The following TOP1MT variants were observed in gnomAD, a reference collection of about 807,000 sequenced individuals.
The protein encoded by TOP1MT is DNA topoisomerase I mitochondrial.
A neutral mutation model predicts 73.9 loss-of-function variants in TOP1MT; 80 were observed. That is an observed-to-expected ratio of 1.08 (90% CI 0.90 to 1.30). The LOEUF is 1.30. TOP1MT is among the 50% of genes most tolerant of loss of function. The pLI is 0.00. For synonymous variants in TOP1MT, 338 were observed against 326.4 expected, an observed-to-expected ratio of 1.04 and a Z score of -0.38; for missense variants, 815 against 808.0, an observed-to-expected ratio of 1.01 and a Z score of -0.10.
In TOP1MT at chr8:143,323,738, G is replaced by A. The variant is rs1375253131; in HGVS notation, c.960+261C>T. On this transcript the variant is annotated intron_variant, in intron 7 of 13. Transcript: ENST00000329245. ...ACATGCACGCCACACACACATGCAC[G>A]CCACACACATGCACGCCCCACACAG... Among the ~76,000 whole-genome samples, 4 of 60,762 alleles carry A rather than the reference G, an allele frequency of 6.6e-5. 2 individuals carry two copies. The highest frequency in any genetic ancestry group is 6.6e-5 in the Non-Finnish European group (2 of 30,270). 39.9% of individuals were successfully genotyped at this position (60,762 alleles called of 152,430 possible).
intron 13 of TOP1MT, 126 bp from the exon 14 acceptor site, chr8:143,309,669 G>T: frequency 6.5e-7 from 1 of 1,528,480 alleles, no homozygotes. Flanking sequence ...GGTGTAGCTG[G>T]GACCTGCTCC....
At chr8:143,322,642 GCCA>G (rs1816499769) in intron 7 of TOP1MT, among the ~76,000 whole-genome samples, 1 of 9,556 alleles carries the variant, frequency 1.0e-4, no homozygotes, top group Non-Finnish European at 2.2e-4. Flanking sequence ...ACACACACAC[GCCA>G]CACGCACACC....
chr8:143,325,486 A>G lies in TOP1MT; in HGVS notation c.531T>C (p.Cys177=). 1 of 1,612,622 alleles carries G rather than the reference A, an allele frequency of 6.2e-7. No individual in the cohort carries two copies. Among genetic ancestry groups the G allele is most frequent in the Non-Finnish European group, 8.5e-7 (1 of 1,178,716 alleles). ...AEKLQQEFGY[C]ILDGHQEKIG... ...TTTTTTCTTGGTGACCATCTAAAAT[A>G]CAGTAGCCGAACTCTTGCTGAAGTT... The change falls in exon 5 of 14, where the codon TGT becomes TGC. Residue 177 remains cysteine (C), a synonymous_variant. Transcript: ENST00000329245.
At chr8:143,328,289 T>G in intron 3 of TOP1MT, 1 of 455,618 alleles carries the variant, frequency 2.2e-6, no homozygotes, top group Non-Finnish European at 4.4e-6. Context: ...GAGATGACAT[T>G]CACAGCATGT....
At chr8:143,334,576 G>A (rs941532619) in intron 1 of TOP1MT, among the ~76,000 whole-genome samples, 164 bp downstream of exon 1, 4 of 152,266 alleles carry the variant, frequency 2.6e-5, no homozygotes, top group African/African-American at 9.6e-5. Flanking sequence ...ACCCCGGGCA[G>A]GAGGCGGGCC....
At chr8:143,343,216 C>T (rs1003034308) in intron 2 of TOP1MT, 8 of 456,108 alleles carry the variant, frequency 1.8e-5, no homozygotes, top group Admixed American at 9.4e-5. Flanking sequence ...TTTAAGATGC[C>T]GACTTGGCCT....
upstream of TOP1MT, among the ~76,000 whole-genome samples, chr8:143,347,146 G>A (rs13279590): frequency 0.068 from 10,226 of 150,986 alleles, 446 homozygotes; most frequent in Non-Finnish European, 0.093. Context: ...CACCACACCC[G>A]GCTAATTTTT....
In TOP1MT at chr8:143,353,418, TA is replaced by T. The variant is rs33998618; in HGVS notation, c.-39+2546del. 5.2e-3 allele frequency among the ~76,000 whole-genome samples: 708 copies of T among 135,394 alleles called. 3 individuals carry two copies. The highest frequency in any genetic ancestry group is 7.7e-3 in the Middle Eastern group (2 of 260). The allele number at this position is 135,394 out of a possible 152,430, so 88.8% of individuals were successfully genotyped here. A position where few individuals can be genotyped will look rare whatever the true frequency, so the allele number is the denominator to read the frequency against. Reference sequence around the variant, plus strand: ...GCAACAAAGTGAGACCCTGTCTCTTTAAAAAAAAAAAAAAAGGTAAAGATTG... The same window carrying T: ...GCAACAAAGTGAGACCCTGTCTCTTTAAAAAAAAAAAAAAGGTAAAGATTG... On this transcript the variant is annotated intron_variant, in intron 1 of 5. Transcript: ENST00000518760.
At chr8:143,328,202 CAG>C in intron 3 of TOP1MT, 1 of 454,896 alleles carries the variant, frequency 2.2e-6, no homozygotes, top group Non-Finnish European at 4.4e-6. Flanking sequence ...CCATAAAAGA[CAG>C]ATTGATAAAC....
chr8:143,336,583 A>G (rs1816985475), upstream of TOP1MT, among the ~76,000 whole-genome samples: 1 of 152,164 alleles, frequency 6.6e-6, no homozygotes, highest in Non-Finnish European at 1.5e-5. Context: ...GCTCTAACTG[A>G]GCAAACAGGC....
intron 12 of TOP1MT, among the ~76,000 whole-genome samples, chr8:143,311,117 A>ATTTTTTTTTTTTT (rs769172231): frequency 1.9e-5 from 2 of 106,824 alleles, no homozygotes; most frequent in Middle Eastern, 5.3e-3. Flanking sequence ...CACGCACATG[A>ATTTTTTTTTTTTT]TTTTTTTTTT....
chr8:143,316,079 G>C lies in TOP1MT; in HGVS notation c.1378C>G (p.Arg460Gly), dbSNP rs776130476. The C allele has an allele frequency of 1.2e-6, 2 of 1,614,168 alleles. No individual in the cohort carries two copies. The highest frequency in any genetic ancestry group is 1.1e-5 in the South Asian group (1 of 91,084). ...TGGTTGCAGAGAATGGCCACGACTC[G>C]GTTGGCTCGGTTGTAGGATAAGATC... Reference protein sequence around the residue: ...AKILSYNRANRVVAILCNHQR... With the variant: ...AKILSYNRANGVVAILCNHQR... The change falls in exon 11 of 14, where the codon CGA becomes GGA. Residue 460 changes from arginine (R) to glycine (G), a missense_variant. By Grantham distance (125) the Arg-to-Gly change is moderately radical. Around this residue, in one of 3 missense-constraint regions of TOP1MT, gnomAD observed 751 missense variants for 725.4 expected, o/e 1.04. Transcript: ENST00000329245.
Position 143,324,507 on chromosome 8 carries a change from A to C in TOP1MT, c.794T>G (p.Leu265Arg). Residue 265 changes from leucine to arginine, a missense_variant, in exon 6 of 14, where the codon CTG becomes CGG. Coordinates refer to ENST00000329245, the MANE Select transcript of TOP1MT (RefSeq NM_052963.3). The part of the protein sequence containing the change: ...SVQNSIKYIM[L>R]NPCSKLKGET... ...CACCTTCAGCTTCGAGCAAGGGTTC[A>C]GCATGATGTACTTGATGGAGTTCTG... The C allele has an allele frequency of 1.2e-6, 2 of 1,613,982 alleles. No homozygotes were observed. The highest frequency in any genetic ancestry group is 1.7e-6 in the Non-Finnish European group (2 of 1,180,016).
chr8:143,338,267 A>T (rs1817016587), upstream of TOP1MT, among the ~76,000 whole-genome samples: 1 of 151,642 alleles, frequency 6.6e-6, no homozygotes, highest in African/African-American at 2.4e-5. Context: ...TCCATCTCTT[A>T]AAAAAAAATT....
chr8:143,322,566 GA>G (rs1816487626), intron 7 of TOP1MT, among the ~76,000 whole-genome samples: 7 of 39,394 alleles, frequency 1.8e-4, no homozygotes, highest in Admixed American at 3.8e-4. Context: ...GCCACACACA[GA>G]CACGCCACAC....
intron 3 of TOP1MT, among the ~76,000 whole-genome samples, chr8:143,328,929 G>T (rs552635544): frequency 1.4e-3 from 207 of 152,322 alleles, no homozygotes; most frequent in Non-Finnish European, 2.2e-3. Context: ...AAGCCTTGAG[G>T]CAGCACCCTC....
intron 13 of TOP1MT, chr8:143,309,826 C>T: frequency 6.5e-7 from 1 of 1,534,146 alleles, no homozygotes; most frequent in Non-Finnish European, 8.7e-7. Flanking sequence ...ACAGGCCCTC[C>T]TGATGCCTCC....
At chr8:143,314,450 C>T (rs34719060) in intron 12 of TOP1MT, among the ~76,000 whole-genome samples, 19,041 of 152,004 alleles carry the variant, frequency 0.13, 1,370 homozygotes, top group African/African-American at 0.2. Context: ...ATAAATGAGC[C>T]GGGCGTGGTG....
chr8:143,338,272 A>T (rs1279920861), upstream of TOP1MT, among the ~76,000 whole-genome samples: 1 of 152,146 alleles, frequency 6.6e-6, no homozygotes, highest in Non-Finnish European at 1.5e-5. Flanking sequence ...CTCTTAAAAA[A>T]AAATTTTTTT....
Sources: gnomAD v4.1 joint callset for allele counts (sites outside exome capture counted in the v4.1 genomes callset) on GRCh38, gnomAD v4.1.1 for gene constraint, gnomAD v4.1.1 regional missense constraint, MANE v1.5 for transcripts, NCBI Gene and HGNC (gene_info 2026-07-23, HGNC 2026-07-21) for gene names.